Variants in SAMD5 observed in about 807,000 individuals in gnomAD.
SAMD5 encodes sterile alpha motif domain containing 5, also known as sterile alpha motif domain-containing protein 5.
SAMD5 carries 13 observed loss-of-function variants against 11.3 expected under a neutral mutation model. That is an observed-to-expected ratio of 1.15 (90% CI 0.75 to 1.83). SAMD5 has a LOEUF of 1.83. SAMD5 is among the 40% of genes most tolerant of loss of function. SAMD5 has a pLI of 0.00. For synonymous variants in SAMD5, 129 were observed against 111.3 expected (o/e 1.16, Z -1.00); for missense variants, 255 against 239.1 (o/e 1.07, Z -0.44).
downstream of SAMD5, among the ~76,000 whole-genome samples, chr6:147,574,316 G>T (rs1244937778): frequency 6.6e-6 from 1 of 152,086 alleles, no homozygotes; most frequent in Non-Finnish European, 1.5e-5. Context: ...GGAAAAGATG[G>T]GTTTTTCATA....
At chr6:147,809,620 G>C in the SAMD5 span, among the ~76,000 whole-genome samples, 2 of 152,180 alleles carry the variant, frequency 1.3e-5, no homozygotes, top group South Asian at 4.1e-4. Context: ...AATGTGGGGC[G>C]GTGTTCTTCA....
At chr6:147,863,664 T>A in the SAMD5 span, among the ~76,000 whole-genome samples, 1 of 151,846 alleles carries the variant, frequency 6.6e-6, no homozygotes, top group East Asian at 1.9e-4. Context: ...ATCCATGTCA[T>A]CGTTTCAGAT....
chr6:147,951,314 T>C, the SAMD5 span, among the ~76,000 whole-genome samples: 82 of 152,156 alleles, frequency 5.4e-4, no homozygotes, highest in African/African-American at 1.9e-3. Context: ...CCCACGTAGC[T>C]GGGACTACAG....
At chr6:147,629,081 A>G (rs1164958734) in intron 1 of SAMD5, among the ~76,000 whole-genome samples, 9 of 152,166 alleles carry the variant, frequency 5.9e-5, no homozygotes, top group Non-Finnish European at 1.3e-4. Context: ...ACCTGAGGTC[A>G]GGAGTTTGAG....
At chr6:147,774,334 A>G in the SAMD5 span, among the ~76,000 whole-genome samples, 2 of 152,126 alleles carry the variant, frequency 1.3e-5, no homozygotes, top group African/African-American at 2.4e-5. Context: ...ATGAAGTGTA[A>G]TTATGCAATA....
intron 1 of SAMD5, among the ~76,000 whole-genome samples, chr6:147,679,293 G>A (rs1271294494): frequency 6.6e-6 from 1 of 152,082 alleles, no homozygotes; most frequent in Non-Finnish European, 1.5e-5. Context: ...GAGTTCAGTA[G>A]CTTTACATTA....
chr6:147,881,519 G>A, the SAMD5 span, among the ~76,000 whole-genome samples: 5 of 152,146 alleles, frequency 3.3e-5, no homozygotes, highest in African/African-American at 1.2e-4. Flanking sequence ...TCATCTTCCT[G>A]TGGCCTCCAT....
Position 147,512,429 on chromosome 6 carries a change from C to T in SAMD5, c.459+3042C>T, listed in dbSNP as rs111557325. ...TTATCAAGATAGGGAGAGTGAGTCT[C>T]TTACAGAGGAAAGTAAGTTGAGGGG... On this transcript the variant is annotated intron_variant, in intron 1 of 1. Coordinates refer to ENST00000367474, the MANE Select transcript of SAMD5 (RefSeq NM_001030060.3). Among the ~76,000 whole-genome samples the T allele has an allele frequency of 1.8e-3, 267 of 152,276 alleles. 1 individual carries two copies. The highest frequency in any genetic ancestry group is 6.0e-3 in the African/African-American group (250 of 41,564).
At chr6:147,833,666 A>G in the SAMD5 span, among the ~76,000 whole-genome samples, 2 of 152,176 alleles carry the variant, frequency 1.3e-5, no homozygotes, top group African/African-American at 4.8e-5. Context: ...ATAAAATAGT[A>G]CTTTTTTCCT....
At chr6:147,739,967 A>G (rs1791856791), downstream of SAMD5, among the ~76,000 whole-genome samples, 1 of 151,872 alleles carries the variant, frequency 6.6e-6, no homozygotes, top group South Asian at 2.1e-4. Context: ...CTATAGGCAC[A>G]TGCCACCACG....
chr6:147,527,872 C>G (rs185721042), intron 1 of SAMD5, among the ~76,000 whole-genome samples: 1 of 152,180 alleles, frequency 6.6e-6, no homozygotes, highest in East Asian at 1.9e-4. Context: ...GCAGGCTATG[C>G]AAGAAGCATA....
chr6:147,825,402 T>A, the SAMD5 span, among the ~76,000 whole-genome samples: 1 of 152,226 alleles, frequency 6.6e-6, no homozygotes, highest in South Asian at 2.1e-4. Flanking sequence ...ATTATTATAA[T>A]GAATGATTAT....
chr6:147,619,807 G>A (rs1263340414), intron 1 of SAMD5, among the ~76,000 whole-genome samples: 3 of 152,114 alleles, frequency 2.0e-5, no homozygotes, highest in Admixed American at 6.5e-5. Context: ...GCCTGACAAG[G>A]GGGAGGCCAC....
intron 1 of SAMD5, among the ~76,000 whole-genome samples, chr6:147,543,185 G>A (rs939886605): frequency 6.6e-6 from 1 of 152,076 alleles, no homozygotes; most frequent in Non-Finnish European, 1.5e-5. Context: ...AATTAAGAGC[G>A]GAAGTCCTGT....
chr6:147,661,981 G>A (rs959307486), intron 1 of SAMD5, among the ~76,000 whole-genome samples: 16 of 152,102 alleles, frequency 1.1e-4, no homozygotes, highest in Non-Finnish European at 2.1e-4. Context: ...TTAAGTTCAC[G>A]GTTGCCCATT....
chr6:147,545,955 C>T (rs993254092), intron 1 of SAMD5, among the ~76,000 whole-genome samples: 1 of 152,236 alleles, frequency 6.6e-6, no homozygotes, highest in African/African-American at 2.4e-5. Context: ...AAAGAGACTG[C>T]ATATAAAGCT....
At chr6:147,915,226 G>A in the SAMD5 span, among the ~76,000 whole-genome samples, 447 of 152,296 alleles carry the variant, frequency 2.9e-3, 4 homozygotes, top group African/African-American at 0.01. Flanking sequence ...ACATGCTGAA[G>A]TACCTAGGAG....
chr6:147,905,122 A>C, the SAMD5 span, among the ~76,000 whole-genome samples: 5 of 152,108 alleles, frequency 3.3e-5, no homozygotes, highest in Non-Finnish European at 7.4e-5. Context: ...TCCCGACCTC[A>C]GGTGATCCAC....
At chr6:147,749,303 G>T in the SAMD5 span, among the ~76,000 whole-genome samples, 2 of 151,786 alleles carry the variant, frequency 1.3e-5, no homozygotes, top group African/African-American at 4.8e-5. Context: ...CCAAGTAGCT[G>T]GGATTACAGG....
Sources: allele counts gnomAD v4.1 joint callset (sites outside exome capture counted in the v4.1 genomes callset), GRCh38; gene constraint gnomAD v4.1.1; transcripts MANE v1.5; gene names NCBI Gene and HGNC (gene_info 2026-07-23, HGNC 2026-07-21).